The following NRXN1 variants were observed in gnomAD, a reference collection of about 807,000 sequenced individuals.
NRXN1 encodes neurexin 1.
Under a neutral mutation model 150.9 loss-of-function variants are expected in NRXN1, and 39 were observed. The ratio of observed to expected loss-of-function variants is 0.26; its 90% CI spans 0.20 to 0.34. The LOEUF (loss-of-function observed/expected upper bound fraction) is 0.34, where lower values mean the gene tolerates loss of function less well. Among genes scored for constraint, NRXN1 ranks in the 10% least tolerant of loss-of-function variants. The probability of loss-of-function intolerance (pLI) is 1.00; values close to 1 mark genes in which losing one functional copy is unlikely to be tolerated. For missense variants in NRXN1, 1,815 were observed against 1,949.9 expected, an observed-to-expected ratio of 0.93 and a Z score of 1.30; for synonymous variants, 924 against 757.0, an observed-to-expected ratio of 1.22 and a Z score of -3.62.
At chr2:49,993,670 C>T (rs1682416858) in intron 21 of NRXN1, among the ~76,000 whole-genome samples, 1 of 152,122 alleles carries the variant, frequency 6.6e-6, no homozygotes, top group African/African-American at 2.4e-5. Context: ...AAAACCTCTA[C>T]CTTCCTCTTA....
At chr2:50,191,945 A>T (rs2061470340) in intron 18 of NRXN1, among the ~76,000 whole-genome samples, 1 of 152,214 alleles carries the variant, frequency 6.6e-6, no homozygotes, top group African/African-American at 2.4e-5. Context: ...AGGAAGACAT[A>T]TCTAAATTAT....
At chr2:50,399,036 A>G (rs1353310730) in intron 17 of NRXN1, among the ~76,000 whole-genome samples, 3 of 152,128 alleles carry the variant, frequency 2.0e-5, no homozygotes, top group African/African-American at 7.2e-5. Flanking sequence ...GACTGATTGG[A>G]GGTCATAATG....
Position 50,997,360 on chromosome 2 carries a change from T to C in NRXN1, c.772+30142A>G, listed in dbSNP as rs150275006. ...CAGCCTGGGCAACAGAGTAAGACCA[T>C]ATTTGAAAACAAACAAACAAACAAA... On this transcript the variant is annotated intron_variant, in intron 2 of 22. Coordinates refer to ENST00000401669, the MANE Select transcript of NRXN1 (RefSeq NM_001330078.2). 3.6e-4 allele frequency among the ~76,000 whole-genome samples: 55 copies of C among 152,084 alleles called. No homozygotes were observed. In the East Asian group the frequency reaches 3.7e-3, roughly 10 times the overall value.
chr2:50,769,260 G>A (rs1702725825), intron 5 of NRXN1, among the ~76,000 whole-genome samples: 2 of 151,906 alleles, frequency 1.3e-5, no homozygotes, highest in African/African-American at 4.8e-5. Context: ...CTGCAGTTAA[G>A]CAAGAGCAAG....
chr2:50,640,847 G>A (rs1443404077), intron 5 of NRXN1, among the ~76,000 whole-genome samples: 1 of 152,126 alleles, frequency 6.6e-6, no homozygotes, highest in Non-Finnish European at 1.5e-5. Context: ...TATGCTTTAA[G>A]TATTTCTGGT....
chr2:50,367,512 C>T (rs1290065134), intron 17 of NRXN1, among the ~76,000 whole-genome samples: 1 of 152,006 alleles, frequency 6.6e-6, no homozygotes, highest in Non-Finnish European at 1.5e-5. Context: ...GCAACAGGAT[C>T]TGTACCAAGC....
chr2:50,212,384 C>A (rs17508435), intron 18 of NRXN1, among the ~76,000 whole-genome samples: 6,827 of 151,252 alleles, frequency 0.045, 240 homozygotes, highest in Middle Eastern at 0.11. Context: ...GTTAGCATTC[C>A]CTCTTCACCT....
At chr2:50,115,246 C>CAT in intron 18 of NRXN1, among the ~76,000 whole-genome samples, 1 of 132,112 alleles carries the variant, frequency 7.6e-6, no homozygotes, top group Admixed American at 7.7e-5. Context: ...TATATACACA[C>CAT]ACACACATAT....
At chr2:50,655,675 G>C (rs564904820) in intron 5 of NRXN1, among the ~76,000 whole-genome samples, 13 of 150,682 alleles carry the variant, frequency 8.6e-5, no homozygotes, top group African/African-American at 3.2e-4. Flanking sequence ...TTTGGGGGGG[G>C]AGGGAAGAAA....
chr2:50,782,756 TTATGGC>T (rs1704528910), intron 5 of NRXN1, among the ~76,000 whole-genome samples: 1 of 152,142 alleles, frequency 6.6e-6, no homozygotes, highest in Non-Finnish European at 1.5e-5. Context: ...TATTTCTGGG[TTATGGC>T]TGGTTCTAAA....
chr2:50,904,181 T>G (rs1241420016), intron 5 of NRXN1, among the ~76,000 whole-genome samples: 1 of 152,102 alleles, frequency 6.6e-6, no homozygotes, highest in African/African-American at 2.4e-5. Flanking sequence ...AGAATCCAGT[T>G]TGTTCCATAA....
intron 15 of NRXN1, among the ~76,000 whole-genome samples, chr2:50,485,318 G>A (rs1248474248): frequency 6.6e-6 from 1 of 152,152 alleles, no homozygotes; most frequent in Non-Finnish European, 1.5e-5. Context: ...CTACATTAAG[G>A]AAATAATAAA....
chr2:50,702,142 A>G (rs140143472), intron 5 of NRXN1, among the ~76,000 whole-genome samples: 1 of 152,258 alleles, frequency 6.6e-6, no homozygotes, highest in Non-Finnish European at 1.5e-5. Context: ...AAGTAGGATT[A>G]TTAGATATTC....
At chr2:50,516,645 C>T (rs1346670254) in intron 12 of NRXN1, among the ~76,000 whole-genome samples, 3 of 152,160 alleles carry the variant, frequency 2.0e-5, no homozygotes, top group Non-Finnish European at 4.4e-5. Flanking sequence ...CCTGCTGACC[C>T]ATGTAACTCC....
At chr2:50,397,756 G>A (rs1027744356) in intron 17 of NRXN1, among the ~76,000 whole-genome samples, 1 of 152,122 alleles carries the variant, frequency 6.6e-6, no homozygotes. Context: ...GGAGGTATGA[G>A]AGATTTCTTT....
At chr2:49,927,597 T>C (rs899988871) in intron 22 of NRXN1, among the ~76,000 whole-genome samples, 2 of 152,240 alleles carry the variant, frequency 1.3e-5, no homozygotes, top group African/African-American at 4.8e-5. Context: ...ATCCTTCATT[T>C]TTCTTTTTGA....
At chr2:50,261,532 C>G (rs1255438256) in intron 17 of NRXN1, among the ~76,000 whole-genome samples, 3 of 151,790 alleles carry the variant, frequency 2.0e-5, no homozygotes, top group African/African-American at 4.8e-5. Flanking sequence ...CCTCCATAGA[C>G]TTAAGTCACA....
chr2:50,244,796 A>G (rs2066350451), intron 17 of NRXN1, among the ~76,000 whole-genome samples: 2 of 151,922 alleles, frequency 1.3e-5, no homozygotes, highest in Admixed American at 1.3e-4. Context: ...AAATGTATGA[A>G]TATTTGTCAA....
intron 17 of NRXN1, among the ~76,000 whole-genome samples, chr2:50,342,056 C>T (rs190624280): frequency 6.6e-6 from 1 of 152,172 alleles, no homozygotes; most frequent in East Asian, 1.9e-4. Flanking sequence ...CCTCCTCCAA[C>T]CTCAACTCTA....
Sources: allele counts gnomAD v4.1 joint callset (sites outside exome capture counted in the v4.1 genomes callset), GRCh38; gene constraint gnomAD v4.1.1; transcripts MANE v1.5; gene names NCBI Gene and HGNC (gene_info 2026-07-23, HGNC 2026-07-21).